C12orf56: variants seen among roughly 807,000 people sequenced by gnomAD.
The protein encoded by C12orf56 is uncharacterized protein C12orf56.
C12orf56 carries 71 observed loss-of-function variants against 69.9 expected under a neutral mutation model. That is an observed-to-expected ratio of 1.02 (90% confidence interval 0.84 to 1.24). C12orf56 has a LOEUF of 1.24. Ranked by LOEUF, C12orf56 falls within the 50% of genes most tolerant of loss-of-function variation. C12orf56 has a pLI of 0.00. For synonymous variants in C12orf56, 276 were observed against 274.1 expected (o/e 1.01, Z -0.07); for missense variants, 732 against 738.5 (o/e 0.99, Z 0.10).
chr12:64,278,032 G>T (rs1390366654), intron 8 of C12orf56, among the ~76,000 whole-genome samples: 1 of 152,186 alleles, frequency 6.6e-6, no homozygotes, highest in Non-Finnish European at 1.5e-5. Flanking sequence ...TGTAGTTCTA[G>T]AAGTCCACAT....
rs559048782 is a variant in C12orf56 at position 64,304,114 on chromosome 12, C to CT, written c.969-336dup. ...TAATATTTTTCTTTCAATCAACTAG[C>CT]TTTTTTTTTTAAGAAGTTTATAAAG... On this transcript the variant is annotated intron_variant, in intron 5 of 12. Transcript: ENST00000543942. Among the ~76,000 whole-genome samples the CT allele has an allele frequency of 3.2e-4, 47 of 148,810 alleles. 1 individual carries two copies. The highest frequency in any genetic ancestry group is 3.9e-4 in the African/African-American group (16 of 40,620).
At chr12:64,274,182 G>GA (rs5798742) in intron 11 of C12orf56, among the ~76,000 whole-genome samples, 106,690 of 151,664 alleles carry the variant, frequency 0.7, 38,711 homozygotes, top group Non-Finnish European at 0.8. Context: ...AAAAGGGAGG[G>GA]AAAGCATTTC....
At chr12:64,358,482 A>ATCATCATCATC (rs2039352108) in intron 1 of C12orf56, among the ~76,000 whole-genome samples, 65 of 125,946 alleles carry the variant, frequency 5.2e-4, no homozygotes, top group African/African-American at 1.8e-3. Flanking sequence ...TAATAATAAT[A>ATCATCATCATC]ATCATCATCA....
At chr12:64,328,225 C>A (rs1247878165) in intron 3 of C12orf56, among the ~76,000 whole-genome samples, 1 of 152,072 alleles carries the variant, frequency 6.6e-6, no homozygotes, top group African/African-American at 2.4e-5. Context: ...CAGCATTTTG[C>A]AATGCTTTTC....
intron 1 of C12orf56, among the ~76,000 whole-genome samples, chr12:64,365,731 T>G (rs1025925529): frequency 2.8e-5 from 4 of 143,948 alleles, no homozygotes; most frequent in Non-Finnish European, 6.0e-5. Flanking sequence ...ATATATAATA[T>G]ATAGTTTATA....
chr12:64,353,143 A>AT, intron 1 of C12orf56, 87 bp from the exon 2 acceptor site: 1 of 1,349,530 alleles, frequency 7.4e-7, no homozygotes, highest in Non-Finnish European at 1.0e-6. Flanking sequence ...GCTAACAGCA[A>AT]GTTTTTTTTT....
intron 1 of C12orf56, among the ~76,000 whole-genome samples, chr12:64,356,916 C>T (rs1163046194): frequency 1.3e-5 from 2 of 152,218 alleles, no homozygotes; most frequent in East Asian, 3.9e-4. Context: ...GTCACTTTGA[C>T]TCACTAGGTA....
intron 1 of C12orf56, among the ~76,000 whole-genome samples, chr12:64,379,068 G>T (rs1017379922): frequency 6.8e-6 from 1 of 146,910 alleles, no homozygotes; most frequent in Non-Finnish European, 1.5e-5. Flanking sequence ...AAAAAAAAAA[G>T]TGAACAGAAC....
At chr12:64,379,879 C>CCAGA (rs1349929508) in intron 1 of C12orf56, among the ~76,000 whole-genome samples, 2 of 147,866 alleles carry the variant, frequency 1.4e-5, no homozygotes, top group Non-Finnish European at 3.0e-5. Context: ...GTCAGGAGAT[C>CCAGA]CAGACCATCC....
chr12:64,390,352 G>C lies in C12orf56; in HGVS notation c.214C>G (p.Arg72Gly). The C allele has an allele frequency of 6.2e-7, 1 of 1,612,360 alleles. No homozygotes were observed. Among genetic ancestry groups the C allele is most frequent in the East Asian group, 2.2e-5 (1 of 44,794 alleles). ...LTENPPKSIR[R>G]VVALRDVVAI... ...ACGACGTCCCGCAGAGCCACTACCC[G>C]CCGGATGGACTTGGGCGGGTTCTCG... Residue 72 changes from arginine to glycine, a missense_variant, in exon 1 of 13, where the codon CGG becomes GGG. Arg to Gly is a moderately radical substitution (Grantham distance 125). Coordinates refer to ENST00000543942, the MANE Select transcript of C12orf56 (RefSeq NM_001170633.2).
At position 64,312,760 on chromosome 12, in the gene C12orf56, AG is replaced by A. The variant is rs1395595865; in HGVS notation, c.895-9del. ...TTGTAAAAGAGTAGCTTTCTGAAAA[AG>A]GAAAAAGTAGAAATTGTTAGAATTT... is the stretch of plus-strand genomic sequence containing the variant. On this transcript the variant is annotated splice_polypyrimidine_tract_variant and intron_variant, in intron 4 of 12. Coordinates refer to ENST00000543942, the MANE Select transcript of C12orf56 (RefSeq NM_001170633.2). The A allele has an allele frequency of 6.6e-7, 1 of 1,526,272 alleles. No individual in the cohort carries two copies. Among genetic ancestry groups the A allele is most frequent in the Non-Finnish European group, 8.8e-7 (1 of 1,137,800 alleles). 94.5% of individuals were successfully genotyped at this position (1,526,272 alleles called of 1,614,324 possible). A position where few individuals can be genotyped will look rare whatever the true frequency, so the allele number is the denominator to read the frequency against.
At position 64,275,333 on chromosome 12, in the gene C12orf56, C is replaced by T; in HGVS notation, c.1474G>A (p.Ala492Thr). 1 of 1,442,058 alleles carries T rather than the reference C, an allele frequency of 6.9e-7. No homozygotes were observed. The highest frequency in any genetic ancestry group is 9.2e-7 in the Non-Finnish European group (1 of 1,084,530). The allele number at this position is 1,442,058 out of a possible 1,614,324, so 89.3% of individuals were successfully genotyped here. A position where few individuals can be genotyped will look rare whatever the true frequency, so the allele number is the denominator to read the frequency against. ...LILEYTNTATALLYEILLVFQ... is the reference protein window; with the variant it reads ...LILEYTNTATTLLYEILLVFQ... ...ACCAGAAGTATCTCATATAAAAGTGCTGTAGCAGTATTTGTATACTCCAGA... is the reference window on the plus strand; with the variant it reads ...ACCAGAAGTATCTCATATAAAAGTGTTGTAGCAGTATTTGTATACTCCAGA... Residue 492 changes from alanine to threonine, a missense_variant, in exon 10 of 13, where the codon GCA (alanine) becomes ACA (threonine). Ala to Thr is a moderately conservative substitution (Grantham distance 58). Coordinates refer to ENST00000543942, the MANE Select transcript of C12orf56 (RefSeq NM_001170633.2).
Position 64,379,386 on chromosome 12 carries a change from G to A in C12orf56, c.252+10928C>T, listed in dbSNP as rs561143233. Reference sequence around the variant, plus strand: ...TGCAAGCTCCGCCTCTCGGGTTCACGCCATTCTCCTGCCTCAGCCTCCTGC... The same window carrying A: ...TGCAAGCTCCGCCTCTCGGGTTCACACCATTCTCCTGCCTCAGCCTCCTGC... On this transcript the variant is annotated intron_variant, in intron 1 of 12. Coordinates refer to ENST00000543942, the MANE Select transcript of C12orf56 (RefSeq NM_001170633.2). 1.1e-4 allele frequency among the ~76,000 whole-genome samples: 17 copies of A among 151,482 alleles called. No homozygotes were observed. In the South Asian group the frequency reaches 2.9e-3, roughly 26 times the overall value.
chr12:64,299,436 G>C (rs546231298), intron 6 of C12orf56, among the ~76,000 whole-genome samples: 1 of 152,198 alleles, frequency 6.6e-6, no homozygotes, highest in African/African-American at 2.4e-5. Context: ...TTTAGCCCAG[G>C]TAAGAATATT....
chr12:64,274,332 C>T (rs187697262), intron 11 of C12orf56, among the ~76,000 whole-genome samples: 93 of 152,304 alleles, frequency 6.1e-4, no homozygotes, highest in African/African-American at 2.2e-3. Flanking sequence ...GGCCATAGCA[C>T]GCAGGGCCCT....
chr12:64,281,298 C>T (rs973875043), intron 8 of C12orf56, among the ~76,000 whole-genome samples: 27 of 151,578 alleles, frequency 1.8e-4, no homozygotes, highest in Non-Finnish European at 3.4e-4. Context: ...AGCCCGGGTG[C>T]GGTGGCTCAT....
At chr12:64,299,630 G>A (rs2038417897) in intron 6 of C12orf56, among the ~76,000 whole-genome samples, 1 of 152,058 alleles carries the variant, frequency 6.6e-6, no homozygotes, top group African/African-American at 2.4e-5. Flanking sequence ...AGATAAGTAA[G>A]ACATATACTT....
At chr12:64,378,200 C>T (rs1229220583) in intron 1 of C12orf56, among the ~76,000 whole-genome samples, 2 of 152,192 alleles carry the variant, frequency 1.3e-5, no homozygotes, top group African/African-American at 4.8e-5. Context: ...GTGGAATGCA[C>T]ACATGGTTGG....
chr12:64,368,090 G>A (rs796711890), intron 1 of C12orf56, among the ~76,000 whole-genome samples: 16 of 152,204 alleles, frequency 1.1e-4, no homozygotes, highest in African/African-American at 3.4e-4. Context: ...TTAGAGGTGT[G>A]AGCCACTGCG....
Sources: gnomAD v4.1 joint callset for allele counts (sites outside exome capture counted in the v4.1 genomes callset) on GRCh38, gnomAD v4.1.1 for gene constraint, MANE v1.5 for transcripts, NCBI Gene and HGNC (gene_info 2026-07-23, HGNC 2026-07-21) for gene names.